Variants in ANKRD42 observed in about 807,000 individuals in gnomAD.
ANKRD42 encodes ankyrin repeat domain-containing protein 42.
A neutral mutation model predicts 51.5 loss-of-function variants in ANKRD42; 43 were observed. The observed-to-expected ratio is 0.83, with a 90% CI of 0.65 to 1.08. ANKRD42 has a LOEUF of 1.08. Ranked by LOEUF, ANKRD42 falls within the 50% of genes least tolerant of loss-of-function variation. The pLI is 0.00. For missense variants in ANKRD42, 608 were observed against 629.3 expected, an observed-to-expected ratio of 0.97 and a Z score of 0.36; for synonymous variants, 203 against 213.0, an observed-to-expected ratio of 0.95 and a Z score of 0.41.
intron 9 of ANKRD42, among the ~76,000 whole-genome samples, chr11:83,242,253 C>T (rs925182588): frequency 6.6e-6 from 1 of 152,076 alleles, no homozygotes; most frequent in Non-Finnish European, 1.5e-5. Context: ...GAAAGCCAAG[C>T]CAAGATCTTG....
rs763963113 is a variant in ANKRD42 at position 83,248,042 on chromosome 11, C to T, written c.1422C>T (p.Leu474=). The T allele has an allele frequency of 7.5e-6, 12 of 1,604,410 alleles. No homozygotes were observed. The highest frequency in any genetic ancestry group is 4.5e-5 in the East Asian group (2 of 44,504). The change falls in exon 11 of 11, where the codon CTC becomes CTT. Residue 474 remains leucine (L), a synonymous_variant. Coordinates refer to ENST00000533342, the MANE Select transcript of ANKRD42 (RefSeq NM_001300975.2). ...LDEYRAEVDQ[L]RETLEKIQVP... is the part of the protein sequence containing the mutation. ...AATATCGAGCAGAAGTTGATCAACT[C>T]AGGGAAACACTGGAAAAAATTCAAG...
At chr11:83,256,532 A>G (rs1397884619), downstream of ANKRD42, among the ~76,000 whole-genome samples, 1 of 152,054 alleles carries the variant, frequency 6.6e-6, no homozygotes, top group African/African-American at 2.4e-5. Flanking sequence ...TCTGACTTCA[A>G]TTCCCTCTTT....
intron 7 of ANKRD42, among the ~76,000 whole-genome samples, chr11:83,232,731 C>A (rs1337418092): frequency 1.3e-5 from 2 of 152,056 alleles, no homozygotes; most frequent in Non-Finnish European, 2.9e-5. Context: ...TCATATATGA[C>A]TTTTATTATG....
intron 7 of ANKRD42, among the ~76,000 whole-genome samples, chr11:83,231,311 A>G (rs2135537733): frequency 6.6e-6 from 1 of 152,296 alleles, no homozygotes; most frequent in South Asian, 2.1e-4. Flanking sequence ...TTGACTATCC[A>G]TGATGTTGAG....
chr11:83,201,601 T>G (rs1426243268), intron 2 of ANKRD42, among the ~76,000 whole-genome samples: 1 of 152,234 alleles, frequency 6.6e-6, no homozygotes, highest in Non-Finnish European at 1.5e-5. Context: ...ATGGTTAAAC[T>G]AATTTACATT....
chr11:83,206,940 T>C (rs993283429), intron 3 of ANKRD42, among the ~76,000 whole-genome samples: 7 of 152,204 alleles, frequency 4.6e-5, no homozygotes, highest in African/African-American at 1.7e-4. Context: ...TACAGAGTCA[T>C]ATAAGCAAAC....
intron 7 of ANKRD42, among the ~76,000 whole-genome samples, chr11:83,231,034 C>A (rs2135537246): frequency 6.6e-6 from 1 of 152,314 alleles, no homozygotes; most frequent in African/African-American, 2.4e-5. Context: ...GTGAAGATGT[C>A]TCTTTGATAT....
chr11:83,255,861 G>C, exon 12 of ANKRD42: 1 of 1,533,132 alleles, frequency 6.5e-7, no homozygotes, highest in Non-Finnish European at 8.7e-7. Context: ...AGCGCTTCTT[G>C]TGAGTCAAAC....
chr11:83,256,155 GCAAGT>G, downstream of ANKRD42: 1 of 308,560 alleles, frequency 3.2e-6, no homozygotes, highest in Non-Finnish European at 5.9e-6. Flanking sequence ...CTCTACACAG[GCAAGT>G]CAAGAGATTT....
intron 5 of ANKRD42, chr11:83,214,537 A>G (rs894608556): frequency 4.1e-6 from 4 of 982,894 alleles, no homozygotes; most frequent in Non-Finnish European, 4.8e-6. Flanking sequence ...TTAAGAAAGA[A>G]TGTGGCCTTA....
downstream of ANKRD42, chr11:83,258,988 A>C (rs1189757941): frequency 1.3e-5 from 2 of 152,190 alleles, no homozygotes; most frequent in African/African-American, 4.8e-5. Flanking sequence ...CACTCATAGA[A>C]AATGCCTAAA....
At chr11:83,230,650 G>C (rs975210559) in intron 7 of ANKRD42, among the ~76,000 whole-genome samples, 15 of 151,754 alleles carry the variant, frequency 9.9e-5, no homozygotes, top group Non-Finnish European at 2.1e-4. Context: ...GCAGTGGCGC[G>C]ATCTCTGCTC....
At chr11:83,263,064 A>G (rs1171920083), downstream of ANKRD42, among the ~76,000 whole-genome samples, 4 of 152,100 alleles carry the variant, frequency 2.6e-5, no homozygotes, top group Admixed American at 6.6e-5. Flanking sequence ...ATTTAAGACT[A>G]AGTGTACTTG....
intron 5 of ANKRD42, among the ~76,000 whole-genome samples, chr11:83,224,537 G>T (rs1862813516): frequency 6.6e-6 from 1 of 152,158 alleles, no homozygotes; most frequent in Non-Finnish European, 1.5e-5. Context: ...CCGTGTTCCT[G>T]TCATTTGGGG....
At position 83,207,683 on chromosome 11, in the gene ANKRD42, A is replaced by G. The variant is rs147889699; in HGVS notation, c.330+1518A>G. 8.2e-3 allele frequency among the ~76,000 whole-genome samples: 1,255 copies of G among 152,314 alleles called. 13 individuals carry two copies. Among genetic ancestry groups the G allele is most frequent in the African/African-American group, 0.029 (1,197 of 41,564 alleles). On this transcript the variant is annotated intron_variant, in intron 3 of 10. Coordinates refer to ENST00000533342, the MANE Select transcript of ANKRD42 (RefSeq NM_001300975.2). The stretch of plus-strand genomic sequence containing the variant: ...CAAACAGTTCTGTGAGTTCCCTTTT[A>G]TATAGGTTACAAAACAAATTCAGAG...
Position 83,219,468 on chromosome 11 carries a change from G to A in ANKRD42, c.587-5387G>A, listed in dbSNP as rs539065377. On this transcript the variant is annotated intron_variant, in intron 5 of 10. Coordinates refer to ENST00000533342, the MANE Select transcript of ANKRD42 (RefSeq NM_001300975.2). ...TTCAAGGAGAAATCTCTGAATTAGTGACAGGAGGCGTATAGTAAGTTTAAA... is the reference window on the plus strand; with the variant it reads ...TTCAAGGAGAAATCTCTGAATTAGTAACAGGAGGCGTATAGTAAGTTTAAA... Among the ~76,000 whole-genome samples the A allele has an allele frequency of 7.2e-4, 109 of 152,280 alleles. 1 individual carries two copies. In the East Asian group the frequency reaches 0.015, roughly 21 times the overall value.
At chr11:83,262,806 A>G (rs1864003819), downstream of ANKRD42, among the ~76,000 whole-genome samples, 1 of 152,176 alleles carries the variant, frequency 6.6e-6, no homozygotes, top group South Asian at 2.1e-4. Flanking sequence ...GTTTTAAGAA[A>G]TGGGATTAGG....
At chr11:83,218,460 C>T (rs1391763386) in intron 5 of ANKRD42, among the ~76,000 whole-genome samples, 2 of 152,192 alleles carry the variant, frequency 1.3e-5, no homozygotes, top group African/African-American at 2.4e-5. Context: ...CAAGGAGCAA[C>T]ATGATGTCCT....
downstream of ANKRD42, chr11:83,257,179 C>A (rs1302460943): frequency 5.3e-6 from 2 of 374,858 alleles, no homozygotes; most frequent in Non-Finnish European, 1.0e-5. Context: ...TCAGGGCAAA[C>A]TAGTTCTGAT....
Sources: allele counts gnomAD v4.1 joint callset (sites outside exome capture counted in the v4.1 genomes callset), GRCh38; gene constraint gnomAD v4.1.1; transcripts MANE v1.5; gene names NCBI Gene and HGNC (gene_info 2026-07-23, HGNC 2026-07-21).